The following MGMT variants were observed in gnomAD, a reference collection of about 807,000 sequenced individuals.
MGMT encodes the protein methylated-DNA--protein-cysteine methyltransferase.
Under a neutral mutation model 15.9 loss-of-function variants are expected in MGMT, and 14 were observed. That is an observed-to-expected ratio of 0.88 (90% CI 0.58 to 1.37). The LOEUF (loss-of-function observed/expected upper bound fraction) is 1.37, where lower values mean the gene tolerates loss of function less well. Among genes scored for constraint, MGMT ranks in the 40% most tolerant of loss-of-function variants. The probability of loss-of-function intolerance (pLI) is 0.00; values close to 1 mark genes in which losing one functional copy is unlikely to be tolerated. For synonymous variants in MGMT, 130 were observed against 118.2 expected (o/e 1.10, Z -0.65); for missense variants, 282 against 268.1 (o/e 1.05, Z -0.36).
intron 2 of MGMT, among the ~76,000 whole-genome samples, chr10:129,703,674 C>T (rs2026975): frequency 0.19 from 28,655 of 149,932 alleles, 3,311 homozygotes; most frequent in Non-Finnish European, 0.26. Flanking sequence ...CCATCCTCGC[C>T]GGGGGGGCAC....
At chr10:129,595,288 C>A (rs1846738341) in intron 2 of MGMT, among the ~76,000 whole-genome samples, 1 of 152,138 alleles carries the variant, frequency 6.6e-6, no homozygotes, top group African/African-American at 2.4e-5. Flanking sequence ...TCGATGTTAA[C>A]CAGATCTTAG....
intron 1 of MGMT, among the ~76,000 whole-genome samples, chr10:129,495,284 A>G (rs1845508811): frequency 6.6e-6 from 1 of 152,260 alleles, no homozygotes; most frequent in Non-Finnish European, 1.5e-5. Context: ...TAAACGTAGT[A>G]CCTAATGCTG....
chr10:129,737,702 TTGA>T (rs1848580304), intron 3 of MGMT, among the ~76,000 whole-genome samples: 1 of 152,238 alleles, frequency 6.6e-6, no homozygotes, highest in African/African-American at 2.4e-5. Context: ...CCTTTGGTCT[TTGA>T]TGATGGTGAT....
chr10:129,474,543 T>C (rs941391551), intron 1 of MGMT, among the ~76,000 whole-genome samples: 3 of 152,070 alleles, frequency 2.0e-5, no homozygotes, highest in Non-Finnish European at 4.4e-5. Context: ...CAGGCCGCCC[T>C]CTGCCCTGCC....
chr10:129,634,590 A>AT (rs1029936326), intron 2 of MGMT, among the ~76,000 whole-genome samples: 1 of 151,436 alleles, frequency 6.6e-6, no homozygotes, highest in Non-Finnish European at 1.5e-5. Context: ...AAGTTCACTA[A>AT]TTTTTTCTTT....
At chr10:129,760,074 G>T (rs1208912232) in intron 4 of MGMT, among the ~76,000 whole-genome samples, 1 of 152,240 alleles carries the variant, frequency 6.6e-6, no homozygotes, top group Non-Finnish European at 1.5e-5. Flanking sequence ...AGGCCCAACC[G>T]GGACACAGCA....
At chr10:129,693,457 C>T (rs1249738756) in intron 2 of MGMT, among the ~76,000 whole-genome samples, 2 of 152,130 alleles carry the variant, frequency 1.3e-5, no homozygotes, top group South Asian at 2.1e-4. Context: ...AAGGGTTCAG[C>T]GTTGGCCGGA....
intron 1 of MGMT, among the ~76,000 whole-genome samples, chr10:129,517,764 CACCCTGACTCCAA>C (rs58443450): frequency 0.16 from 23,788 of 152,096 alleles, 2,906 homozygotes; most frequent in African/African-American, 0.35. Context: ...CCTGTCTCCA[CACCCTGACTCCAA>C]ACCCTCACTG....
At chr10:129,508,241 G>T (rs931704397) in intron 1 of MGMT, among the ~76,000 whole-genome samples, 5 of 152,118 alleles carry the variant, frequency 3.3e-5, no homozygotes, top group Non-Finnish European at 7.4e-5. Context: ...ACTCCAGCCC[G>T]CCTGGAAGCC....
At position 129,527,459 on chromosome 10, in the gene MGMT, C is replaced by T. The variant is rs192171757; in HGVS notation, c.-12-8782C>T. On this transcript the variant is annotated intron_variant, in intron 1 of 4. Transcript: ENST00000651593. ...TGGTACGCCGAGGGCCTCTCTGCCCCGTGTGTTCCCTGAGGTTCCAGTGGG... is the reference window on the plus strand; with the variant it reads ...TGGTACGCCGAGGGCCTCTCTGCCCTGTGTGTTCCCTGAGGTTCCAGTGGG... Among the ~76,000 whole-genome samples the T allele has an allele frequency of 1.3e-3, 203 of 152,268 alleles. 1 individual carries two copies. Among genetic ancestry groups the T allele is most frequent in the African/African-American group, 4.1e-3 (171 of 41,538 alleles).
chr10:129,707,666 A>C (rs1321229377), intron 2 of MGMT, among the ~76,000 whole-genome samples: 1 of 152,178 alleles, frequency 6.6e-6, no homozygotes, highest in Non-Finnish European at 1.5e-5. Context: ...GCTGTGATGC[A>C]GACTCTCAGA....
At chr10:129,756,921 A>G (rs1265342464) in intron 3 of MGMT, among the ~76,000 whole-genome samples, 1 of 152,230 alleles carries the variant, frequency 6.6e-6, no homozygotes, top group African/African-American at 2.4e-5. Flanking sequence ...ATAGAATATG[A>G]TGCTTAACAG....
chr10:129,761,191 G>A lies in MGMT; in HGVS notation c.414+1850G>A, dbSNP rs2133186983. Among the ~76,000 whole-genome samples, 3 of 152,268 alleles carry A rather than the reference G, an allele frequency of 2.0e-5. No individual in the cohort carries two copies. In the South Asian group the frequency reaches 6.2e-4, roughly 32 times the overall value. ...TGTGGATGCGAATGGGGTTTTGGGG[G>A]TGCTCTTCCTGCATCAGTGCAGTGA... On this transcript the variant is annotated intron_variant, in intron 4 of 4. Coordinates refer to ENST00000651593, the MANE Select transcript of MGMT (RefSeq NM_002412.5).
At chr10:129,488,002 T>G in intron 1 of MGMT, among the ~76,000 whole-genome samples, 1 of 75,786 alleles carries the variant, frequency 1.3e-5, no homozygotes, top group Non-Finnish European at 2.9e-5. Context: ...CACACATAGG[T>G]ATACACACAC....
intron 2 of MGMT, among the ~76,000 whole-genome samples, chr10:129,681,357 C>G (rs1336350612): frequency 1.3e-5 from 2 of 152,142 alleles, no homozygotes. Context: ...TGTTTCCGTC[C>G]CATAGAGACC....
At chr10:129,551,629 C>T (rs1050476056) in intron 2 of MGMT, among the ~76,000 whole-genome samples, 5 of 152,166 alleles carry the variant, frequency 3.3e-5, no homozygotes, top group African/African-American at 1.2e-4. Context: ...CACTGATATT[C>T]TATCTCTGTA....
intron 3 of MGMT, among the ~76,000 whole-genome samples, chr10:129,732,678 G>A (rs1848514645): frequency 6.7e-6 from 1 of 149,194 alleles, no homozygotes; most frequent in African/African-American, 2.5e-5. Flanking sequence ...TCTAGCATTA[G>A]GTATATCTCC....
chr10:129,678,461 G>T (rs567220644), intron 2 of MGMT, among the ~76,000 whole-genome samples: 1 of 152,274 alleles, frequency 6.6e-6, no homozygotes, highest in African/African-American at 2.4e-5. Flanking sequence ...TGCCAAGCTT[G>T]TGTAGCTGCT....
chr10:129,602,432 T>C (rs991471321), intron 2 of MGMT, among the ~76,000 whole-genome samples: 3 of 152,202 alleles, frequency 2.0e-5, no homozygotes, highest in Non-Finnish European at 4.4e-5. Flanking sequence ...TAAAGATAAT[T>C]GGTGTGCTCC....
Sources: gnomAD v4.1 joint callset for allele counts (sites outside exome capture counted in the v4.1 genomes callset) on GRCh38, gnomAD v4.1.1 for gene constraint, MANE v1.5 for transcripts, NCBI Gene and HGNC (gene_info 2026-07-23, HGNC 2026-07-21) for gene names.